The following PCDHA1 variants were observed in gnomAD, a reference collection of about 807,000 sequenced individuals.
PCDHA1 encodes the protein protocadherin alpha-1.
PCDHA1 carries 42 observed loss-of-function variants against 61.3 expected under a neutral mutation model. The observed-to-expected ratio is 0.69, with a 90% CI of 0.54 to 0.89. The LOEUF (loss-of-function observed/expected upper bound fraction) is 0.89, where lower values mean the gene tolerates loss of function less well. Among genes scored for constraint, PCDHA1 ranks in the 40% least tolerant of loss-of-function variants. The probability of loss-of-function intolerance (pLI) is 0.00; values close to 1 mark genes in which losing one functional copy is unlikely to be tolerated. For missense variants in PCDHA1, 1,256 were observed against 1,235.3 expected (o/e 1.02, Z -0.25); for synonymous variants, 610 against 553.8 (o/e 1.10, Z -1.43).
chr5:140,953,576 C>T (rs1466296429), intron 1 of PCDHA1, among the ~76,000 whole-genome samples: 1 of 152,090 alleles, frequency 6.6e-6, no homozygotes, highest in Non-Finnish European at 1.5e-5. Flanking sequence ...CCTCCTCTCC[C>T]AAAACTGCCT....
intron 1 of PCDHA1, chr5:140,828,295 C>G: frequency 6.2e-7 from 1 of 1,614,124 alleles, no homozygotes; most frequent in Non-Finnish European, 8.5e-7. Flanking sequence ...GGATGGCCTC[C>G]AAAGACCGCG....
chr5:140,816,976 A>G (rs1231523214), intron 1 of PCDHA1: 3 of 152,104 alleles, frequency 2.0e-5, no homozygotes, highest in Non-Finnish European at 4.4e-5. Context: ...CTGCCCACTA[A>G]AATTCAGGAA....
At chr5:140,893,416 G>A (rs1351047268) in intron 1 of PCDHA1, among the ~76,000 whole-genome samples, 1 of 152,136 alleles carries the variant, frequency 6.6e-6, no homozygotes, top group Non-Finnish European at 1.5e-5. Context: ...ACTTAGGGAG[G>A]CAGAGGCAGG....
chr5:140,796,927 G>T (rs1246364353), intron 1 of PCDHA1: 1 of 1,613,830 alleles, frequency 6.2e-7, no homozygotes, highest in Non-Finnish European at 8.5e-7. Flanking sequence ...GAAGGACCAC[G>T]GCGAACCAGC....
Position 140,787,874 on chromosome 5 carries a change from G to C in PCDHA1, c.1584G>C (p.Leu528=). The C allele has an allele frequency of 6.2e-7, 1 of 1,613,316 alleles. No individual in the cohort carries two copies. The highest frequency in any genetic ancestry group is 8.5e-7 in the Non-Finnish European group (1 of 1,179,872). The change falls in exon 1 of 4, where the codon CTG becomes CTC. Residue 528 remains leucine, a synonymous_variant. Coordinates refer to ENST00000504120, the MANE Select transcript of PCDHA1 (RefSeq NM_018900.4). The part of the protein sequence containing the change: ...YALQPLDHEE[L]ELLQFQVSAR... ...TGCAGCCCCTGGACCACGAGGAGCT[G>C]GAGCTGCTGCAGTTCCAGGTGAGCG...
chr5:140,917,948 A>G (rs1382859222), intron 1 of PCDHA1, among the ~76,000 whole-genome samples: 2 of 151,868 alleles, frequency 1.3e-5, no homozygotes, highest in Admixed American at 1.3e-4. Flanking sequence ...TGGTAGTTTG[A>G]TAGGAACATC....
At chr5:140,802,374 G>T (rs782803218) in intron 1 of PCDHA1, 3 of 1,614,082 alleles carry the variant, frequency 1.9e-6, no homozygotes, top group Admixed American at 1.7e-5. Flanking sequence ...GACGCCCCAC[G>T]TCCCCTTCAA....
intron 1 of PCDHA1, among the ~76,000 whole-genome samples, chr5:140,933,411 T>C (rs1174569571): frequency 6.6e-6 from 1 of 152,084 alleles, no homozygotes; most frequent in Non-Finnish European, 1.5e-5. Flanking sequence ...CATCTACAGA[T>C]ATTCTGTGTT....
chr5:140,890,621 A>G (rs1209531386), intron 1 of PCDHA1, among the ~76,000 whole-genome samples: 1 of 152,174 alleles, frequency 6.6e-6, no homozygotes, highest in Non-Finnish European at 1.5e-5. Context: ...TACCCTAGAA[A>G]ATTAAGCATG....
At chr5:140,808,237 G>A in intron 1 of PCDHA1, 1 of 1,614,216 alleles carries the variant, frequency 6.2e-7, no homozygotes, top group African/African-American at 1.3e-5. Context: ...TCCCAGATTT[G>A]GAATTCAAGT....
chr5:140,790,236 C>T (rs192639450), intron 1 of PCDHA1, among the ~76,000 whole-genome samples: 257 of 152,226 alleles, frequency 1.7e-3, no homozygotes, highest in Non-Finnish European at 2.9e-3. Context: ...GCAAAACCCA[C>T]GGAAATATCC....
At chr5:140,901,766 A>T (rs2068897184) in intron 1 of PCDHA1, among the ~76,000 whole-genome samples, 1 of 152,188 alleles carries the variant, frequency 6.6e-6, no homozygotes, top group Admixed American at 6.5e-5. Flanking sequence ...CAGGGATTGC[A>T]TTGAATTTGT....
chr5:140,903,124 T>C (rs1554190771), intron 1 of PCDHA1, among the ~76,000 whole-genome samples: 1 of 152,234 alleles, frequency 6.6e-6, no homozygotes, highest in Non-Finnish European at 1.5e-5. Context: ...TCTAAATCTT[T>C]AAGAAATCTC....
intron 1 of PCDHA1, among the ~76,000 whole-genome samples, chr5:140,789,486 A>G (rs966047958): frequency 2.0e-5 from 3 of 151,948 alleles, no homozygotes; most frequent in Non-Finnish European, 4.4e-5. Flanking sequence ...CCGACCAACC[A>G]AACAAACAAA....
intron 1 of PCDHA1, among the ~76,000 whole-genome samples, chr5:140,921,468 C>T (rs886501347): frequency 3.3e-5 from 5 of 152,182 alleles, no homozygotes; most frequent in African/African-American, 1.2e-4. Flanking sequence ...GCAACCACTA[C>T]CAAACCACTC....
At chr5:141,007,638 T>G (rs1393056593) in intron 3 of PCDHA1, among the ~76,000 whole-genome samples, 7 of 152,128 alleles carry the variant, frequency 4.6e-5, no homozygotes, top group African/African-American at 1.7e-4. Context: ...GCCCTCCCTG[T>G]ATTTGCCTAA....
intron 3 of PCDHA1, among the ~76,000 whole-genome samples, chr5:140,983,261 CT>C (rs1240749572): frequency 7.9e-5 from 12 of 152,158 alleles, no homozygotes; most frequent in Admixed American, 7.9e-4. Context: ...TGTAAAAAAC[CT>C]AATGGCTGGG....
At chr5:140,863,799 G>A (rs1246230954) in intron 1 of PCDHA1, 10 of 212,460 alleles carry the variant, frequency 4.7e-5, no homozygotes, top group Non-Finnish European at 8.6e-5. Context: ...AGGAGTTTGA[G>A]ACCAGCCTGG....
intron 1 of PCDHA1, among the ~76,000 whole-genome samples, chr5:140,942,993 AT>A (rs1228666837): frequency 3.3e-5 from 5 of 152,166 alleles, no homozygotes; most frequent in African/African-American, 1.2e-4. Context: ...GTGGTGGCTC[AT>A]GCCTGTAATC....
Sources: allele counts gnomAD v4.1 joint callset (sites outside exome capture counted in the v4.1 genomes callset), GRCh38; gene constraint gnomAD v4.1.1; transcripts MANE v1.5; gene names NCBI Gene and HGNC (gene_info 2026-07-23, HGNC 2026-07-21).